Variants in RPS9 observed in about 807,000 individuals in gnomAD.
RPS9 encodes small ribosomal subunit protein uS4.
Under a neutral mutation model 16.9 loss-of-function variants are expected in RPS9, and 1 was observed. That is an observed-to-expected ratio of 0.06 (90% CI 0.02 to 0.28). The LOEUF (loss-of-function observed/expected upper bound fraction) is 0.28, where lower values mean the gene tolerates loss of function less well. Among genes scored for constraint, RPS9 ranks in the 10% least tolerant of loss-of-function variants. The probability of loss-of-function intolerance (pLI) is 1.00; values close to 1 mark genes in which losing one functional copy is unlikely to be tolerated. For missense variants in RPS9, 137 were observed against 273.2 expected, an observed-to-expected ratio of 0.50 and a Z score of 3.51; for synonymous variants, 106 against 110.9, an observed-to-expected ratio of 0.96 and a Z score of 0.28.
intron 3 of RPS9, chr19:54,203,222 T>A: frequency 6.2e-6 from 6 of 965,442 alleles, no homozygotes; most frequent in Non-Finnish European, 7.4e-6. Context: ...TGAGGGTTAT[T>A]TGTGGTTTTC....
chr19:54,204,658 C>T (rs896992022), intron 3 of RPS9, among the ~76,000 whole-genome samples: 1 of 152,176 alleles, frequency 6.6e-6, no homozygotes, highest in Non-Finnish European at 1.5e-5. Context: ...AACTGATCCT[C>T]CTGCCTCAGC....
In RPS9 at chr19:54,201,613, C is replaced by G. The variant is rs756495620; in HGVS notation, c.220+4C>G. On this transcript the variant is annotated splice_donor_region_variant and intron_variant, in intron 3 of 4. Coordinates refer to ENST00000302907, the MANE Select transcript of RPS9 (RefSeq NM_001013.4). ...GACCCACGGCGTCTGTTCGAAGGTG[C>G]GTATGGGAGTCCACAGCAGAGGGAT... 5 of 1,613,998 alleles carry G rather than the reference C, an allele frequency of 3.1e-6. No individual in the cohort carries two copies. Among genetic ancestry groups the G allele is most frequent in the Admixed American group, 1.7e-5 (1 of 59,990 alleles).
Position 54,207,593 on chromosome 19 carries a change from G to C in RPS9, c.*18G>C. 1.3e-6 allele frequency: 2 copies of C among 1,582,056 alleles called. No individual in the cohort carries two copies. The highest frequency in any genetic ancestry group is 1.1e-5 in the South Asian group (1 of 88,138). On this transcript the variant is annotated 3_prime_UTR_variant, in exon 5 of 5. Transcript: ENST00000302907. ...AGGATTAAGTCCACCTGTCCCTCCT[G>C]GGCTGCTGGATTGTCTCGTTTTCCT...
In RPS9 at chr19:54,206,438, T is replaced by A; in HGVS notation, c.383T>A (p.Val128Glu). The A allele has an allele frequency of 2.5e-6, 4 of 1,614,254 alleles. No individual in the cohort carries two copies. Among genetic ancestry groups the A allele is most frequent in the Non-Finnish European group, 2.5e-6 (3 of 1,180,040 alleles). The change falls in exon 4 of 5, where the codon GTG becomes GAG. Residue 128 changes from valine (V) to glutamate (E), a missense_variant. Transcript: ENST00000302907. ...GLAKSIHHAR[V>E]LIRQRHIRVR... is the part of the protein sequence containing the mutation. The stretch of plus-strand genomic sequence containing the variant: ...GCCAAGTCCATCCACCACGCTCGCG[T>A]GCTGATCCGCCAGCGCCATATCAGG...
chr19:54,204,889 A>G (rs1249842688), intron 3 of RPS9, among the ~76,000 whole-genome samples: 1 of 152,222 alleles, frequency 6.6e-6, no homozygotes, highest in Non-Finnish European at 1.5e-5. Context: ...AAGCCATAGT[A>G]TGACATAGGA....
intron 3 of RPS9, among the ~76,000 whole-genome samples, chr19:54,204,711 G>A (rs2077182249): frequency 6.6e-6 from 1 of 152,208 alleles, no homozygotes; most frequent in African/African-American, 2.4e-5. Context: ...AAGGGACTGT[G>A]CGTGGCTTAA....
At chr19:54,201,111 G>C (rs2077028863) in intron 1 of RPS9, 49 bp from the exon 2 acceptor site, 5 of 1,608,208 alleles carry the variant, frequency 3.1e-6, no homozygotes, top group African/African-American at 2.7e-5. Flanking sequence ...TTGTGGGACT[G>C]CGCAGGCGCC....
At chr19:54,201,321 G>C in intron 2 of RPS9, 40 bp downstream of exon 2, 2 of 1,613,876 alleles carry the variant, frequency 1.2e-6, no homozygotes, top group Non-Finnish European at 1.7e-6. Context: ...TCGGCTTCCG[G>C]GAGGCGGTTA....
At position 54,207,609 on chromosome 19, in the gene RPS9, TC is replaced by T. The variant is rs1410708128; in HGVS notation, c.*35del. ...GTCCCTCCTGGGCTGCTGGATTGTCTCGTTTTCCTGCCAAATAAACAGGATC... is the reference window on the plus strand; with the variant it reads ...GTCCCTCCTGGGCTGCTGGATTGTCTGTTTTCCTGCCAAATAAACAGGATC... On this transcript the variant is annotated 3_prime_UTR_variant, in exon 5 of 5. Coordinates refer to ENST00000302907, the MANE Select transcript of RPS9 (RefSeq NM_001013.4). 6.5e-7 allele frequency: 1 copy of T among 1,537,834 alleles called. No individual in the cohort carries two copies.
rs372271267 is a variant in RPS9 at position 54,206,178 on chromosome 19, C to T, written c.221-98C>T. 350 of 1,241,232 alleles carry T rather than the reference C, an allele frequency of 2.8e-4. 1 individual carries two copies. In the African/African-American group the frequency reaches 4.1e-3, roughly 15 times the overall value. 76.9% of individuals were successfully genotyped at this position (1,241,232 alleles called of 1,614,324 possible). A position where few individuals can be genotyped will look rare whatever the true frequency, so the allele number is the denominator to read the frequency against. On this transcript the variant is annotated intron_variant, in intron 3 of 4. Coordinates refer to ENST00000302907, the MANE Select transcript of RPS9 (RefSeq NM_001013.4). The stretch of plus-strand genomic sequence containing the variant: ...TGGCGCTGTACTACTTGTGCCTCAC[C>T]GCCGCGGCATGGAGCTACCAAGAGG...
intron 1 of RPS9, 36 bp from the exon 2 acceptor site, chr19:54,201,124 T>A: frequency 6.2e-7 from 1 of 1,610,974 alleles, no homozygotes; most frequent in Non-Finnish European, 8.5e-7. Context: ...CAGGCGCCGT[T>A]TGGATCCCTT....
chr19:54,204,391 T>G (rs1427795179), intron 3 of RPS9, among the ~76,000 whole-genome samples: 2 of 152,128 alleles, frequency 1.3e-5, no homozygotes, highest in Admixed American at 6.6e-5. Context: ...TGTGAAACAT[T>G]TTTTTAAAAT....
chr19:54,202,445 G>A (rs2077091121), intron 3 of RPS9: 2 of 985,364 alleles, frequency 2.0e-6, no homozygotes, highest in Non-Finnish European at 2.4e-6. Flanking sequence ...GTGGTATTTA[G>A]CAAAGGCCTG....
intron 3 of RPS9, chr19:54,202,313 G>C (rs2077086779): frequency 4.1e-6 from 2 of 487,184 alleles, no homozygotes; most frequent in Non-Finnish European, 5.3e-6. Context: ...AGCCTCCTAA[G>C]TAGCTGGAAT....
chr19:54,206,611 G>A, intron 4 of RPS9, 149 bp downstream of exon 4: 1 of 1,551,584 alleles, frequency 6.4e-7, no homozygotes, highest in East Asian at 2.4e-5. Context: ...CTTGCACACA[G>A]CTCACCAGGG....
chr19:54,203,868 A>G (rs1196944972), intron 3 of RPS9, among the ~76,000 whole-genome samples: 1 of 144,516 alleles, frequency 6.9e-6, no homozygotes, highest in Non-Finnish European at 1.5e-5. Context: ...ACTGCCTTGT[A>G]TGATGACAAG....
At chr19:54,203,171 C>T in intron 3 of RPS9, 1 of 924,906 alleles carries the variant, frequency 1.1e-6, no homozygotes, top group Non-Finnish European at 1.3e-6. Flanking sequence ...ATCCTAATTG[C>T]AATGAAACTT....
intron 3 of RPS9, chr19:54,202,685 T>G: frequency 1.0e-6 from 1 of 985,456 alleles, no homozygotes; most frequent in Non-Finnish European, 1.2e-6. Context: ...CATTTGTATA[T>G]CCTGAGACGC....
chr19:54,200,959 T>C, intron 1 of RPS9, 71 bp downstream of exon 1: 1 of 1,379,064 alleles, frequency 7.3e-7, no homozygotes, highest in South Asian at 1.6e-5. Context: ...CGAGTTTCCA[T>C]GAGTAAGCTA....
Sources: gnomAD v4.1 joint callset for allele counts (sites outside exome capture counted in the v4.1 genomes callset) on GRCh38, gnomAD v4.1.1 for gene constraint, MANE v1.5 for transcripts, NCBI Gene and HGNC (gene_info 2026-07-23, HGNC 2026-07-21) for gene names.